Variants in TEKT5 observed in about 807,000 individuals in gnomAD.
The protein encoded by TEKT5 is tektin-5.
TEKT5 carries 52 observed loss-of-function variants against 48.7 expected under a neutral mutation model. The ratio of observed to expected loss-of-function variants is 1.07; its 90% CI spans 0.86 to 1.35. The LOEUF (loss-of-function observed/expected upper bound fraction) is 1.35, where lower values mean the gene tolerates loss of function less well. TEKT5 is among the 40% of genes most tolerant of loss of function. The pLI is 0.00. For synonymous variants in TEKT5, 318 were observed against 267.6 expected, an observed-to-expected ratio of 1.19 and a Z score of -1.84; for missense variants, 831 against 641.6, an observed-to-expected ratio of 1.30 and a Z score of -3.19.
chr16:10,682,174 T>G, intron 3 of TEKT5, 38 bp from the exon 4 acceptor site: 1 of 1,603,836 alleles, frequency 6.2e-7, no homozygotes, highest in Non-Finnish European at 8.5e-7. Context: ...ACTATGCACC[T>G]GCACAGAGTA....
At chr16:10,632,470 A>G (rs57603994) in intron 6 of TEKT5, among the ~76,000 whole-genome samples, 2,221 of 151,790 alleles carry the variant, frequency 0.015, 57 homozygotes, top group African/African-American at 0.051. Context: ...TAATTTTTGT[A>G]TTTTTTGTAG....
At chr16:10,638,873 G>A (rs1897952281) in intron 5 of TEKT5, among the ~76,000 whole-genome samples, 1 of 152,190 alleles carries the variant, frequency 6.6e-6, no homozygotes, top group South Asian at 2.1e-4. Flanking sequence ...ACAAGACTAT[G>A]ATGTAAAACA....
At position 10,694,508 on chromosome 16, in the gene TEKT5, G is replaced by A. The variant is rs777727210; in HGVS notation, c.366C>T (p.Leu122=). The change falls in exon 1 of 7, where the codon CTC becomes CTT. Residue 122 remains leucine (L), a synonymous_variant. Transcript: ENST00000283025. ...ASRLTDDSMR[L]LQDKDQLTHQ... ...GCGTCAGCTGGTCCTTGTCCTGCAAGAGCCTCATGGAGTCATCCGTCAGCC... is the reference window on the plus strand; with the variant it reads ...GCGTCAGCTGGTCCTTGTCCTGCAAAAGCCTCATGGAGTCATCCGTCAGCC... 2.5e-5 allele frequency: 41 copies of A among 1,610,506 alleles called. No individual in the cohort carries two copies. In the East Asian group the frequency reaches 7.8e-4, roughly 31 times the overall value.
At chr16:10,684,877 GA>G (rs1898833067) in intron 3 of TEKT5, among the ~76,000 whole-genome samples, 1 of 152,152 alleles carries the variant, frequency 6.6e-6, no homozygotes, top group African/African-American at 2.4e-5. Flanking sequence ...GTGCAGCAAG[GA>G]CCCCACCCTG....
At chr16:10,691,350 CA>C (rs1898972668) in intron 1 of TEKT5, 2 of 152,332 alleles carry the variant, frequency 1.3e-5, no homozygotes, top group South Asian at 4.2e-4. Flanking sequence ...ACCAGGAACT[CA>C]ATCATTTCCA....
intron 5 of TEKT5, among the ~76,000 whole-genome samples, chr16:10,652,448 GCAAACACACACACACACA>G (rs1898174404): frequency 1.4e-5 from 1 of 73,134 alleles, no homozygotes. Flanking sequence ...ATATACACAG[GCAAACACACACACACACA>G]CACACACACA....
In TEKT5 at chr16:10,635,617, C is replaced by T. The variant is rs1053445112; in HGVS notation, c.1241+147G>A. The T allele has an allele frequency of 4.0e-6, 5 of 1,243,072 alleles. No individual in the cohort carries two copies. The African/African-American group carries it at 4.5e-5, about 11-fold the overall frequency. 77.0% of individuals were successfully genotyped at this position (1,243,072 alleles called of 1,614,324 possible). A position where few individuals can be genotyped will look rare whatever the true frequency, so the allele number is the denominator to read the frequency against. ...ATCTCAGAACTCCACCCACACCCTGCACTCTACTGAGTTGTGGGACTGGAT... is the reference window on the plus strand; with the variant it reads ...ATCTCAGAACTCCACCCACACCCTGTACTCTACTGAGTTGTGGGACTGGAT... On this transcript the variant is annotated intron_variant, in intron 6 of 6. Transcript: ENST00000283025.
chr16:10,639,672 T>C (rs74007189), intron 5 of TEKT5, among the ~76,000 whole-genome samples: 3,435 of 152,274 alleles, frequency 0.023, 134 homozygotes, highest in African/African-American at 0.079. Flanking sequence ...TACATTGAAA[T>C]ACCATTGTTT....
At chr16:10,672,724 T>C (rs1386746045) in intron 5 of TEKT5, among the ~76,000 whole-genome samples, 1 of 152,184 alleles carries the variant, frequency 6.6e-6, no homozygotes, top group Non-Finnish European at 1.5e-5. Context: ...TATAGGCAAG[T>C]AAATCAACTA....
chr16:10,636,830 A>G (rs1451188422), intron 5 of TEKT5, among the ~76,000 whole-genome samples: 1 of 150,818 alleles, frequency 6.6e-6, no homozygotes, highest in African/African-American at 2.4e-5. Context: ...TATTATTATT[A>G]TTTTGACAGG....
At chr16:10,652,804 C>T (rs7185756) in intron 5 of TEKT5, among the ~76,000 whole-genome samples, 29 of 64,036 alleles carry the variant, frequency 4.5e-4, no homozygotes, top group African/African-American at 7.0e-4. Flanking sequence ...ACCCTCCAGG[C>T]CAGGTAGAAC....
At position 10,627,652 on chromosome 16, in the gene TEKT5, G is replaced by T. The variant is rs774458718; in HGVS notation, c.1389C>A (p.Ile463=). The T allele has an allele frequency of 5.6e-6, 9 of 1,614,054 alleles. No homozygotes were observed. The highest frequency in any genetic ancestry group is 4.0e-5 in the African/African-American group (3 of 74,916). ...ELAIKANTLC[I]DKEKCMGMRK... is the part of the protein sequence containing the mutation. ...GCATGCCCATGCACTTCTCCTTGTCGATGCAGAGGGTGTTGGCCTTGATGG... is the reference window on the plus strand; with the variant it reads ...GCATGCCCATGCACTTCTCCTTGTCTATGCAGAGGGTGTTGGCCTTGATGG... Residue 463 remains isoleucine (I), a synonymous_variant, in exon 7 of 7, where the codon ATC becomes ATA. Transcript: ENST00000283025.
chr16:10,647,471 CAAAAA>C (rs35976644), intron 5 of TEKT5, among the ~76,000 whole-genome samples: 2 of 114,254 alleles, frequency 1.8e-5, no homozygotes, highest in African/African-American at 6.1e-5. Flanking sequence ...GACCCTGTCT[CAAAAA>C]AAAAAAAAAA....
chr16:10,640,778 G>T (rs888050406), intron 5 of TEKT5, among the ~76,000 whole-genome samples: 7 of 152,144 alleles, frequency 4.6e-5, no homozygotes, highest in African/African-American at 1.7e-4. Context: ...TAATTATTTT[G>T]AGAATTATTC....
intron 5 of TEKT5, among the ~76,000 whole-genome samples, chr16:10,661,759 G>A (rs567450577): frequency 2.0e-5 from 3 of 152,310 alleles, no homozygotes; most frequent in South Asian, 4.2e-4. Context: ...CTAGAAGAGA[G>A]GTTGGGGAGC....
At chr16:10,673,622 C>G (rs1898587371) in intron 5 of TEKT5, among the ~76,000 whole-genome samples, 2 of 150,274 alleles carry the variant, frequency 1.3e-5, no homozygotes, top group African/African-American at 4.9e-5. Context: ...TCTTCTGGAG[C>G]CTCCTAACCA....
In TEKT5 at chr16:10,663,436, G is replaced by GA. The variant is rs1482988712; in HGVS notation, c.1086+12522_1086+12523insT. 2.0e-5 allele frequency among the ~76,000 whole-genome samples: 3 copies of GA among 152,312 alleles called. No individual in the cohort carries two copies. In the East Asian group the frequency reaches 5.8e-4, roughly 29 times the overall value. Reference sequence around the variant, plus strand: ...TTTCCAAATTGCATGAAGCCAAGGAGTTTCCAAGGAGATGCTTGGCTCAGT... The same window carrying GA: ...TTTCCAAATTGCATGAAGCCAAGGAGATTTCCAAGGAGATGCTTGGCTCAGT... On this transcript the variant is annotated intron_variant, in intron 5 of 6. Transcript: ENST00000283025.
intron 5 of TEKT5, among the ~76,000 whole-genome samples, chr16:10,640,715 GTA>G (rs147601228): frequency 0.094 from 14,274 of 151,560 alleles, 1,024 homozygotes; most frequent in African/African-American, 0.2. Flanking sequence ...GAATCTGACA[GTA>G]TATATATATT....
At chr16:10,674,202 G>A (rs1334806486) in intron 5 of TEKT5, among the ~76,000 whole-genome samples, 7 of 151,146 alleles carry the variant, frequency 4.6e-5, no homozygotes, top group African/African-American at 1.5e-4. Flanking sequence ...ACTTTTGGCC[G>A]CTCAACTCCC....
Sources: gnomAD v4.1 joint callset for allele counts (sites outside exome capture counted in the v4.1 genomes callset) on GRCh38, gnomAD v4.1.1 for gene constraint, MANE v1.5 for transcripts, NCBI Gene and HGNC (gene_info 2026-07-23, HGNC 2026-07-21) for gene names.